Variants in PRDM16 observed in about 807,000 individuals in gnomAD.
PRDM16 encodes PR/SET domain 16.
A neutral mutation model predicts 110.6 loss-of-function variants in PRDM16; 23 were observed. The observed-to-expected ratio is 0.21, with a 90% CI of 0.15 to 0.29. The LOEUF is 0.29. Ranked by LOEUF, PRDM16 falls within the 10% of genes least tolerant of loss-of-function variation. The probability of loss-of-function intolerance (pLI) is 1.00; values close to 1 mark genes in which losing one functional copy is unlikely to be tolerated. For missense variants in PRDM16, 1,615 were observed against 1,794.3 expected, an observed-to-expected ratio of 0.90 and a Z score of 1.81; for synonymous variants, 799 against 781.8, an observed-to-expected ratio of 1.02 and a Z score of -0.37.
chr1:3,127,770 G>A (rs1643240480), intron 1 of PRDM16, among the ~76,000 whole-genome samples: 1 of 152,246 alleles, frequency 6.6e-6, no homozygotes, highest in Non-Finnish European at 1.5e-5. Flanking sequence ...TGAGTGTGAA[G>A]GCCTGAGGCC....
At chr1:3,421,225 AG>A (rs1557667209) in intron 12 of PRDM16, among the ~76,000 whole-genome samples, 2 of 152,052 alleles carry the variant, frequency 1.3e-5, no homozygotes, top group Non-Finnish European at 1.5e-5. Context: ...ACTGGATCCT[AG>A]GAAGGATGCC....
At chr1:3,159,147 G>A (rs1027780683) in intron 1 of PRDM16, among the ~76,000 whole-genome samples, 8 of 152,210 alleles carry the variant, frequency 5.3e-5, no homozygotes, top group African/African-American at 1.9e-4. Context: ...ACCTTGGGCT[G>A]GGGGACCCTG....
intron 2 of PRDM16, among the ~76,000 whole-genome samples, chr1:3,222,422 G>T (rs973616994): frequency 6.6e-6 from 1 of 152,184 alleles, no homozygotes; most frequent in Admixed American, 6.5e-5. Context: ...CCCTCCCTCC[G>T]CCATGAGGAG....
Position 3,190,175 on chromosome 1 carries a change from CTTACTTCAAGGTCGTGGGGCAGCG to C in PRDM16, c.387+3725_387+3748del, listed in dbSNP as rs1557516941. 1.2e-4 allele frequency among the ~76,000 whole-genome samples: 18 copies of C among 151,132 alleles called. No individual in the cohort carries two copies. Among genetic ancestry groups the C allele is most frequent in the Admixed American group, 2.0e-4 (3 of 15,208 alleles). The stretch of plus-strand genomic sequence containing the variant: ...TTTGGGTTCAAGGTCGTGGGGCAGC[CTTACTTCAAGGTCGTGGGGCAGCG>C]TTACTTCAAGGTCGTGGGGCAGCCT... On this transcript the variant is annotated intron_variant, in intron 2 of 16. Transcript: ENST00000270722. This position sits in a 1 kb window ranked among gnomAD's most constrained non-coding sequence, Gnocchi z 5.0.
At chr1:3,204,898 G>A (rs761118004) in intron 2 of PRDM16, among the ~76,000 whole-genome samples, 21 of 152,152 alleles carry the variant, frequency 1.4e-4, no homozygotes, top group East Asian at 3.9e-4. Context: ...ACCCCCGTTG[G>A]GGGGGGCCCT....
intron 3 of PRDM16, among the ~76,000 whole-genome samples, chr1:3,276,297 C>T (rs560586009): frequency 3.9e-5 from 6 of 152,360 alleles, no homozygotes; most frequent in South Asian, 4.1e-4. Context: ...CCATTGGGCC[C>T]GCGGTGGGAG....
At chr1:3,163,585 TCTC>T (rs1165239733) in intron 1 of PRDM16, among the ~76,000 whole-genome samples, 2 of 152,060 alleles carry the variant, frequency 1.3e-5, no homozygotes, top group African/African-American at 4.8e-5. Flanking sequence ...AACAGATACT[TCTC>T]CTCCCACGGT....
Position 3,411,587 on chromosome 1 carries a change from A to G in PRDM16, c.1390A>G (p.Thr464Ala). The change falls in exon 9 of 17, where the codon ACC (threonine) becomes GCC (alanine). Residue 464 changes from threonine to alanine, a missense_variant. Physicochemically the swap from Thr to Ala is moderately conservative, Grantham distance 58 (BLOSUM62 0). This residue lies in a region of PRDM16 where 772 missense variants were observed against 748.3 expected (regional missense o/e 1.03). Transcript: ENST00000270722. ...CATCTTTGCCCCGGGCCTGCCCTTG[A>G]CCCCCAGCCCCATGATGGACAAGGC... ...GGIFAPGLPL[T>A]PSPMMDKAKP... 6.2e-7 allele frequency: 1 copy of G among 1,613,840 alleles called. No homozygotes were observed.
At chr1:3,200,000 T>C (rs1410200605) in intron 2 of PRDM16, among the ~76,000 whole-genome samples, 1 of 152,258 alleles carries the variant, frequency 6.6e-6, no homozygotes, top group Non-Finnish European at 1.5e-5. Flanking sequence ...AGGGTCTTGC[T>C]GGGGAAGGGA....
In PRDM16 at chr1:3,359,891, A is replaced by G. The variant is rs966305875; in HGVS notation, c.439-25261A>G. Among the ~76,000 whole-genome samples the G allele has an allele frequency of 3.9e-5, 6 of 152,210 alleles. No homozygotes were observed. The highest frequency in any genetic ancestry group is 1.4e-4 in the African/African-American group (6 of 41,468). On this transcript the variant is annotated intron_variant, in intron 3 of 16. Coordinates refer to ENST00000270722, the MANE Select transcript of PRDM16 (RefSeq NM_022114.4). This position sits in a 1 kb window ranked among gnomAD's most constrained non-coding sequence, Gnocchi z 4.3. ...GTGTTCCATGTGCAGGATCTCTTGGAAGACGGATGCCGTGTGCACGCAAAG... is the reference window on the plus strand; with the variant it reads ...GTGTTCCATGTGCAGGATCTCTTGGGAGACGGATGCCGTGTGCACGCAAAG...
intron 1 of PRDM16, among the ~76,000 whole-genome samples, chr1:3,181,551 C>CACA (rs1557509594): frequency 4.8e-4 from 1 of 2,084 alleles, no homozygotes; most frequent in Non-Finnish European, 1.2e-3. Context: ...GTCTTACACA[C>CACA]GCAGTCTTAC....
intron 1 of PRDM16, among the ~76,000 whole-genome samples, chr1:3,183,435 A>C (rs533111762): frequency 2.0e-4 from 30 of 151,916 alleles, no homozygotes; most frequent in South Asian, 1.5e-3. Flanking sequence ...TCTGCACCTC[A>C]TTTTCTCAAA....
intron 1 of PRDM16, among the ~76,000 whole-genome samples, chr1:3,131,458 T>A (rs974813919): frequency 2.6e-5 from 4 of 152,198 alleles, no homozygotes. Flanking sequence ...ATTTTGTAGT[T>A]CCATTCACAG....
At chr1:3,408,704 G>C (rs920872384) in intron 8 of PRDM16, among the ~76,000 whole-genome samples, 1 of 151,424 alleles carries the variant, frequency 6.6e-6, no homozygotes, top group Non-Finnish European at 1.5e-5. Context: ...GCATGTGTTG[G>C]CGTGCATGAG....
rs200052869 is a variant in PRDM16 at position 3,402,925 on chromosome 1, G to A, written c.811G>A (p.Glu271Lys). 49 of 1,612,660 alleles carry A rather than the reference G, an allele frequency of 3.0e-5. No homozygotes were observed. The highest frequency in any genetic ancestry group is 4.1e-5 in the Non-Finnish European group (48 of 1,179,984). The stretch of plus-strand genomic sequence containing the variant: ...GGGCCTGGCTGAGGAGCTCAAGCCC[G>A]AGGGCCTTGGCGGTGGCAGCGGCCA... ...YEGLAEELKPEGLGGGSGQAH... is the reference protein window; with the variant it reads ...YEGLAEELKPKGLGGGSGQAH... The change falls in exon 6 of 17, where the codon GAG becomes AAG. Residue 271 changes from glutamate to lysine, a missense_variant. This residue lies in a region of PRDM16 where 416 missense variants were observed against 467.1 expected (regional missense o/e 0.89). Transcript: ENST00000270722.
rs1033947220 is a variant in PRDM16 at position 3,421,949 on chromosome 1, C to T, written c.2939+3205C>T. 1.0e-4 allele frequency among the ~76,000 whole-genome samples: 14 copies of T among 140,182 alleles called. No individual in the cohort carries two copies. In the South Asian group the frequency reaches 2.7e-3, roughly 27 times the overall value. The allele number at this position is 140,182 out of a possible 152,430, so 92.0% of individuals were successfully genotyped here. On this transcript the variant is annotated intron_variant, in intron 12 of 16. Coordinates refer to ENST00000270722, the MANE Select transcript of PRDM16 (RefSeq NM_022114.4). ...ACAGGCAGGCAGACAGACAGGCAGG[C>T]GGACAGACAGGAAGACAGACAGGCA...
chr1:3,144,239 C>T (rs749208042), intron 1 of PRDM16, among the ~76,000 whole-genome samples: 2 of 152,164 alleles, frequency 1.3e-5, no homozygotes, highest in Non-Finnish European at 2.9e-5. Flanking sequence ...GGCCCGGCCC[C>T]ACAGGGACCC....
At chr1:3,331,574 C>G (rs373026161) in intron 3 of PRDM16, among the ~76,000 whole-genome samples, 1 of 152,322 alleles carries the variant, frequency 6.6e-6, no homozygotes, top group South Asian at 2.1e-4. Context: ...CTCTGAGCCT[C>G]GTTCTTCAAG....
rs542214500 is a variant in PRDM16, at chr1:3,436,225, G to A, written c.*2414G>A. On this transcript the variant is annotated 3_prime_UTR_variant, in exon 17 of 17. Transcript: ENST00000270722. The stretch of plus-strand genomic sequence containing the variant: ...TTTTTTTTTTTTGCAATATGACCCC[G>A]TCTCTCTGAAGTGGGACATTCGGAC... 8.0e-5 allele frequency: 18 copies of A among 226,082 alleles called. No individual in the cohort carries two copies. Among genetic ancestry groups the A allele is most frequent in the South Asian group, 7.4e-4 (4 of 5,424 alleles). The allele number at this position is 226,082 out of a possible 1,614,324, so 14.0% of individuals were successfully genotyped here. A position where few individuals can be genotyped will look rare whatever the true frequency, so the allele number is the denominator to read the frequency against.
Sources: allele counts gnomAD v4.1 joint callset (sites outside exome capture counted in the v4.1 genomes callset), GRCh38; gene constraint gnomAD v4.1.1; regional missense constraint gnomAD v4.1.1; non-coding constraint Gnocchi (gnomAD v3.1); transcripts MANE v1.5; gene names NCBI Gene and HGNC (gene_info 2026-07-23, HGNC 2026-07-21).